The following PIK3CD variants were observed in gnomAD, a reference collection of about 807,000 sequenced individuals.
The protein encoded by PIK3CD is phosphatidylinositol-4,5-bisphosphate 3-kinase catalytic subunit delta.
In PIK3CD, 20 loss-of-function variants were observed where a neutral mutation model predicts 122.9. The ratio of observed to expected loss-of-function variants is 0.16; its 90% CI spans 0.11 to 0.24. PIK3CD has a LOEUF of 0.24. Ranked by LOEUF, PIK3CD falls within the 10% of genes least tolerant of loss-of-function variation. PIK3CD has a pLI of 1.00. For missense variants in PIK3CD, 787 were observed against 1,406.3 expected (o/e 0.56, Z 7.04); for synonymous variants, 596 against 593.4 (o/e 1.00, Z -0.06).
At chr1:9,650,634 AG>A (rs947013578), upstream of PIK3CD, among the ~76,000 whole-genome samples, 1 of 152,078 alleles carries the variant, frequency 6.6e-6, no homozygotes, top group Non-Finnish European at 1.5e-5. Context: ...AAAAAAGAAA[AG>A]AAAAAAGAAA....
intron 2 of PIK3CD, among the ~76,000 whole-genome samples, chr1:9,695,790 C>T (rs1245877341): frequency 4.0e-5 from 6 of 148,998 alleles, no homozygotes; most frequent in African/African-American, 7.5e-5. Context: ...TGCAGTGAGC[C>T]GAGATTGTGC....
intron 1 of PIK3CD, among the ~76,000 whole-genome samples, chr1:9,657,876 G>A (rs1570065572): frequency 6.6e-6 from 1 of 152,100 alleles, no homozygotes; most frequent in African/African-American, 2.4e-5. Flanking sequence ...GGTTTGGGGA[G>A]CCCCATTAAT....
intron 1 of PIK3CD, among the ~76,000 whole-genome samples, chr1:9,682,453 G>A (rs1645792001): frequency 6.6e-6 from 1 of 152,152 alleles, no homozygotes; most frequent in South Asian, 2.1e-4. Context: ...GGCCAGGCTG[G>A]TCTCGAACTT....
At position 9,717,681 on chromosome 1, in the gene PIK3CD, G is replaced by A. The variant is rs1433595302; in HGVS notation, c.1020+55G>A. ...ACTGTTTTTTTGCACAAACAAGGTG[G>A]CTGTATCCTGGAGGGGTAGCAGAGG... On this transcript the variant is annotated intron_variant, in intron 8 of 23. Coordinates refer to ENST00000377346, the MANE Select transcript of PIK3CD (RefSeq NM_005026.5). The surrounding 1 kb of genome is among the most constrained non-coding windows in gnomAD (Gnocchi z 5.4). 4.0e-6 allele frequency: 6 copies of A among 1,511,610 alleles called. No individual in the cohort carries two copies. The highest frequency in any genetic ancestry group is 1.4e-5 in the African/African-American group (1 of 72,870). 93.6% of individuals were successfully genotyped at this position (1,511,610 alleles called of 1,614,324 possible).
Position 9,654,124 on chromosome 1 carries a change from C to G in PIK3CD, c.-138+2322C>G, listed in dbSNP as rs1320058745. 3.3e-6 allele frequency: 4 copies of G among 1,198,246 alleles called. No individual in the cohort carries two copies. In the East Asian group the frequency reaches 1.6e-4, roughly 49 times the overall value. 74.2% of individuals were successfully genotyped at this position (1,198,246 alleles called of 1,614,324 possible). ...CCTGCTCCAGAGACAACTAAGCTAG[C>G]CTCCTTCTGAGCCCCACTTCCCCCG... On this transcript the variant is annotated intron_variant, in intron 1 of 23. Coordinates refer to ENST00000377346, the MANE Select transcript of PIK3CD (RefSeq NM_005026.5).
At chr1:9,644,608 G>T in the PIK3CD span, among the ~76,000 whole-genome samples, 1 of 151,986 alleles carries the variant, frequency 6.6e-6, no homozygotes, top group African/African-American at 2.4e-5. Context: ...TGATAGAATC[G>T]GCTGCTGCCT....
the PIK3CD span, among the ~76,000 whole-genome samples, chr1:9,645,191 T>C: frequency 6.6e-6 from 1 of 152,024 alleles, no homozygotes; most frequent in Non-Finnish European, 1.5e-5. Flanking sequence ...TGGCTAATTT[T>C]TGTGTTTTAG....
Position 9,720,734 on chromosome 1 carries a change from C to T in PIK3CD, c.1522-8C>T, listed in dbSNP as rs1378381035. ...ACCAGAGCCCTCACTCCTGCCCACA[C>T]CCCTCAGCAGCTGCAGCTGCGGGAA... is the stretch of plus-strand genomic sequence containing the variant. On this transcript the variant is annotated splice_region_variant and splice_polypyrimidine_tract_variant and intron_variant, in intron 12 of 23. Transcript: ENST00000377346. The surrounding 1 kb of genome is among the most constrained non-coding windows in gnomAD (Gnocchi z 9.0). 2 of 1,610,924 alleles carry T rather than the reference C, an allele frequency of 1.2e-6. No individual in the cohort carries two copies. Among genetic ancestry groups the T allele is most frequent in the South Asian group, 1.1e-5 (1 of 90,710 alleles).
chr1:9,695,036 GA>G (rs1304060492), intron 2 of PIK3CD, among the ~76,000 whole-genome samples: 4 of 149,824 alleles, frequency 2.7e-5, no homozygotes, highest in Non-Finnish European at 5.9e-5. Context: ...CAAATGAACA[GA>G]AAAAAAAATT....
At chr1:9,716,696 C>A in intron 6 of PIK3CD, 77 bp downstream of exon 6, 1 of 1,435,558 alleles carries the variant, frequency 7.0e-7, no homozygotes, top group Non-Finnish European at 9.6e-7. Context: ...GGGGAGCTGA[C>A]ATTTGGGCGC....
Position 9,652,426 on chromosome 1 carries a change from C to T in PIK3CD, c.-138+624C>T, listed in dbSNP as rs1557585783. On this transcript the variant is annotated intron_variant, in intron 1 of 23. Transcript: ENST00000377346. This position sits in a 1 kb window ranked among gnomAD's most constrained non-coding sequence, Gnocchi z 6.2. ...AAGTTTTCGGGGCTTCCTCCCGGCT[C>T]GTGGACCCGCGCCCCGCCTCCCAGT... 6.6e-6 allele frequency among the ~76,000 whole-genome samples: 1 copy of T among 152,152 alleles called. No individual in the cohort carries two copies. The highest frequency in any genetic ancestry group is 1.5e-5 in the Non-Finnish European group (1 of 68,022).
At chr1:9,705,763 C>CAA (rs113257199) in intron 2 of PIK3CD, among the ~76,000 whole-genome samples, 3,998 of 152,202 alleles carry the variant, frequency 0.026, 134 homozygotes, top group African/African-American at 0.073. Context: ...CAAATTAAAA[C>CAA]GAGATAATTT....
In PIK3CD at chr1:9,683,276, A is replaced by C. The variant is rs1645836964; in HGVS notation, c.-137-8191A>C. ...ACACGGTGAAAACCCATCTCTACTA[A>C]AAATACAAAAAATTAGCCGGGTGTG... On this transcript the variant is annotated intron_variant, in intron 1 of 23. Transcript: ENST00000377346. 2.6e-5 allele frequency among the ~76,000 whole-genome samples: 4 copies of C among 151,852 alleles called. No individual in the cohort carries two copies. In the South Asian group the frequency reaches 8.3e-4, roughly 32 times the overall value.
At chr1:9,706,050 A>ATTTTTT (rs140912843) in intron 2 of PIK3CD, among the ~76,000 whole-genome samples, 65 of 85,134 alleles carry the variant, frequency 7.6e-4, no homozygotes, top group Admixed American at 1.3e-3. Context: ...ATTTATTGGA[A>ATTTTTT]TTTTTTTTTT....
In PIK3CD at chr1:9,718,085, C is replaced by CGCTCCA; in HGVS notation, c.1020+460_1020+465dup. On this transcript the variant is annotated intron_variant, in intron 8 of 23. Coordinates refer to ENST00000377346, the MANE Select transcript of PIK3CD (RefSeq NM_005026.5). The surrounding 1 kb of genome is among the most constrained non-coding windows in gnomAD (Gnocchi z 7.2). ...CCTGTTGTCTCTTAACACTTTCACA[C>CGCTCCA]GCTCCATCGCAACAGCCTGCAGTCA... 2.1e-6 allele frequency: 1 copy of CGCTCCA among 467,538 alleles called. No homozygotes were observed. Among genetic ancestry groups the CGCTCCA allele is most frequent in the South Asian group, 1.5e-5 (1 of 64,648 alleles). 29.0% of individuals were successfully genotyped at this position (467,538 alleles called of 1,614,324 possible).
At position 9,717,649 on chromosome 1, in the gene PIK3CD, G is replaced by GA; in HGVS notation, c.1020+24dup. ...AAGGTGGGGCTCCTGGGATAGGTGGGAGAGACACTGTTTTTTTGCACAAAC... is the reference window on the plus strand; with the variant it reads ...AAGGTGGGGCTCCTGGGATAGGTGGGAAGAGACACTGTTTTTTTGCACAAAC... On this transcript the variant is annotated intron_variant, in intron 8 of 23. Coordinates refer to ENST00000377346, the MANE Select transcript of PIK3CD (RefSeq NM_005026.5). This position sits in a 1 kb window ranked among gnomAD's most constrained non-coding sequence, Gnocchi z 5.4. The GA allele has an allele frequency of 6.2e-7, 1 of 1,608,142 alleles. No individual in the cohort carries two copies. Among genetic ancestry groups the GA allele is most frequent in the Non-Finnish European group, 8.5e-7 (1 of 1,174,790 alleles).
At chr1:9,665,018 C>T (rs562507438) in intron 1 of PIK3CD, among the ~76,000 whole-genome samples, 34 of 151,930 alleles carry the variant, frequency 2.2e-4, no homozygotes, top group African/African-American at 7.7e-4. Flanking sequence ...GCCTAGGCAA[C>T]GTAAGGGAGA....
intron 1 of PIK3CD, among the ~76,000 whole-genome samples, chr1:9,682,584 C>T (rs1645798158): frequency 6.8e-6 from 1 of 148,036 alleles, no homozygotes. Context: ...CTGTCTCACT[C>T]TGTTGTCCAG....
At chr1:9,671,745 C>T (rs553196508) in intron 1 of PIK3CD, among the ~76,000 whole-genome samples, 1 of 152,314 alleles carries the variant, frequency 6.6e-6, no homozygotes, top group South Asian at 2.1e-4. Context: ...TACATCTGGC[C>T]TTGTCAGCGT....
Sources: gnomAD v4.1 joint callset for allele counts (sites outside exome capture counted in the v4.1 genomes callset) on GRCh38, gnomAD v4.1.1 for gene constraint, Gnocchi (gnomAD v3.1) non-coding constraint, MANE v1.5 for transcripts, NCBI Gene and HGNC (gene_info 2026-07-23, HGNC 2026-07-21) for gene names.